The following ITPK1 variants were observed in gnomAD, a reference collection of about 807,000 sequenced individuals.
ITPK1 encodes the protein inositol-tetrakisphosphate 1-kinase.
ITPK1 carries 21 observed loss-of-function variants against 45.3 expected under a neutral mutation model. The ratio of observed to expected loss-of-function variants is 0.46; its 90% CI spans 0.33 to 0.67. The LOEUF is 0.67. ITPK1 is among the 30% of genes least tolerant of loss of function. ITPK1 has a pLI of 0.02. For missense variants in ITPK1, 474 were observed against 573.5 expected (o/e 0.83, Z 1.77); for synonymous variants, 258 against 253.6 (o/e 1.02, Z -0.16).
At position 93,065,469 on chromosome 14, in the gene ITPK1, G is replaced by T. The variant is rs943506310; in HGVS notation, c.120+11126C>A. Among the ~76,000 whole-genome samples the T allele has an allele frequency of 2.6e-5, 4 of 152,264 alleles. No homozygotes were observed. In the South Asian group the frequency reaches 8.3e-4, roughly 32 times the overall value. ...ACAGGTTCTGTGCTGTTCCTTATCTGCATGACCTCACTCCTGGAACTCTAT... is the reference window on the plus strand; with the variant it reads ...ACAGGTTCTGTGCTGTTCCTTATCTTCATGACCTCACTCCTGGAACTCTAT... On this transcript the variant is annotated intron_variant, in intron 3 of 10. Transcript: ENST00000267615.
intron 5 of ITPK1, among the ~76,000 whole-genome samples, chr14:92,979,840 G>A (rs1172789816): frequency 6.7e-6 from 1 of 150,072 alleles, no homozygotes; most frequent in Non-Finnish European, 1.5e-5. Flanking sequence ...TGGAGACAGA[G>A]TCTCACTCTG....
intron 7 of ITPK1, among the ~76,000 whole-genome samples, chr14:92,961,106 T>G (rs904628364): frequency 2.0e-5 from 3 of 152,252 alleles, no homozygotes; most frequent in East Asian, 3.9e-4. Context: ...AGTCGTGAGC[T>G]CTGGGGAGCA....
chr14:93,054,235 G>C (rs1033241426), intron 3 of ITPK1, among the ~76,000 whole-genome samples: 3 of 152,194 alleles, frequency 2.0e-5, no homozygotes, highest in Non-Finnish European at 4.4e-5. Context: ...GGGTACTGTG[G>C]GGCTGGACTA....
At chr14:92,983,172 C>T (rs1886313264) in intron 5 of ITPK1, among the ~76,000 whole-genome samples, 1 of 152,166 alleles carries the variant, frequency 6.6e-6, no homozygotes, top group African/African-American at 2.4e-5. Context: ...CATTTCTGCG[C>T]CCGATGTCTG....
intron 2 of ITPK1, among the ~76,000 whole-genome samples, chr14:93,087,586 G>A (rs1891699009): frequency 1.3e-5 from 2 of 152,188 alleles, no homozygotes; most frequent in East Asian, 1.9e-4. Flanking sequence ...ACCATGTAAG[G>A]CAGCACACTC....
chr14:93,039,706 G>A (rs1168582931), intron 3 of ITPK1, among the ~76,000 whole-genome samples: 1 of 152,210 alleles, frequency 6.6e-6, no homozygotes, highest in East Asian at 1.9e-4. Flanking sequence ...AAGTCGCTGA[G>A]GCCGTCTCAG....
chr14:92,941,887 C>G lies in ITPK1; in HGVS notation c.919G>C (p.Glu307Gln). The change falls in exon 11 of 11, where the codon GAG becomes CAG. Residue 307 changes from glutamate to glutamine, a missense_variant. Glu to Gln is a conservative substitution (Grantham distance 29, BLOSUM62 2). This residue lies in a region of ITPK1 where 367 missense variants were observed against 480.6 expected (regional missense o/e 0.76). Transcript: ENST00000267615. Reference sequence around the variant, plus strand: ...TGGTTCAGGAGGTCTGTGAAGAACTCGCTCACGCCCTCGTAGCCTGGGGGT... The same window carrying G: ...TGGTTCAGGAGGTCTGTGAAGAACTGGCTCACGCCCTCGTAGCCTGGGGGT... ...NAFPGYEGVS[E>Q]FFTDLLNHIA... 2 of 1,612,250 alleles carry G rather than the reference C, an allele frequency of 1.2e-6. No homozygotes were observed. Among genetic ancestry groups the G allele is most frequent in the Non-Finnish European group, 1.7e-6 (2 of 1,179,838 alleles).
chr14:93,031,246 C>A (rs1056074539), intron 3 of ITPK1, among the ~76,000 whole-genome samples: 3 of 151,892 alleles, frequency 2.0e-5, no homozygotes, highest in African/African-American at 7.3e-5. Context: ...GGGTCCCGAG[C>A]AGAGGAGGCC....
intron 5 of ITPK1, among the ~76,000 whole-genome samples, chr14:92,979,697 G>A (rs1046400466): frequency 1.3e-5 from 2 of 152,036 alleles, no homozygotes; most frequent in African/African-American, 4.8e-5. Flanking sequence ...CGCCATGATT[G>A]TAAGTTTCCT....
chr14:93,112,294 G>A (rs1243968685), intron 2 of ITPK1, among the ~76,000 whole-genome samples: 1 of 152,152 alleles, frequency 6.6e-6, no homozygotes, highest in Non-Finnish European at 1.5e-5. Flanking sequence ...CCATCTGTAA[G>A]ACAAAGGGGC....
chr14:92,966,078 C>T (rs760691538), intron 5 of ITPK1, among the ~76,000 whole-genome samples: 4 of 152,226 alleles, frequency 2.6e-5, no homozygotes, highest in Admixed American at 1.3e-4. Context: ...TGCAGTGGCA[C>T]GATCACAGCT....
At chr14:93,106,534 C>A (rs1892532969) in intron 2 of ITPK1, among the ~76,000 whole-genome samples, 1 of 152,212 alleles carries the variant, frequency 6.6e-6, no homozygotes, top group Non-Finnish European at 1.5e-5. Flanking sequence ...CCTTTAGCTC[C>A]TGGAGAGAGC....
rs367620330 is a variant in ITPK1, at chr14:92,952,011, G to A, written c.673C>T (p.Arg225Cys). Residue 225 changes from arginine to cysteine, a missense_variant and splice_region_variant, in exon 9 of 11, where the codon CGT becomes TGT. Transcript: ENST00000267615. The stretch of plus-strand genomic sequence containing the variant: ...TGGCTGTTGAAGAAGATGGACTCAC[G>A]GTCTGAAAAAGCGACAGGAAGGAGC... ...LKNFSAGTSD[R>C]ESIFFNSHNV... 8 of 1,568,940 alleles carry A rather than the reference G, an allele frequency of 5.1e-6. No individual in the cohort carries two copies. The highest frequency in any genetic ancestry group is 1.2e-5 in the South Asian group (1 of 85,436).
intron 3 of ITPK1, among the ~76,000 whole-genome samples, chr14:93,028,755 G>A (rs1031560793): frequency 3.9e-5 from 6 of 152,140 alleles, no homozygotes; most frequent in Non-Finnish European, 7.4e-5. Flanking sequence ...CACCTCTAAC[G>A]CCAAACAGTA....
In ITPK1 at chr14:92,958,457, A is replaced by C; in HGVS notation, c.505-91T>G. The C allele has an allele frequency of 1.6e-6, 2 of 1,257,762 alleles. No homozygotes were observed. The highest frequency in any genetic ancestry group is 1.1e-6 in the Non-Finnish European group (1 of 880,650). The allele number at this position is 1,257,762 out of a possible 1,614,324, so 77.9% of individuals were successfully genotyped here. On this transcript the variant is annotated intron_variant, in intron 7 of 10. Coordinates refer to ENST00000267615, the MANE Select transcript of ITPK1 (RefSeq NM_014216.6). The surrounding 1 kb of genome is among the most constrained non-coding windows in gnomAD (Gnocchi z 4.4). ...TGTGTCACCTGTCCAGAGCACCTCC[A>C]CCAAGGCCCATCCCTGGTCCTGTGG...
At chr14:92,996,703 A>G (rs1887074523) in intron 4 of ITPK1, among the ~76,000 whole-genome samples, 1 of 152,190 alleles carries the variant, frequency 6.6e-6, no homozygotes, top group Non-Finnish European at 1.5e-5. Flanking sequence ...CCAGATCTAT[A>G]GTCCTGGCTA....
At position 92,941,930 on chromosome 14, in the gene ITPK1, A is replaced by G; in HGVS notation, c.902-26T>C. 2 of 1,600,406 alleles carry G rather than the reference A, an allele frequency of 1.2e-6. 1 individual carries two copies. The highest frequency in any genetic ancestry group is 2.2e-5 in the South Asian group (2 of 89,306). ...CTGGGGGTGGGAGAGAGACAGCACA[A>G]GGGGCGTGAGCCAGGGGCACGCATC... On this transcript the variant is annotated intron_variant, in intron 10 of 10. Transcript: ENST00000267615.
chr14:92,991,576 C>T (rs1238085130), intron 5 of ITPK1, among the ~76,000 whole-genome samples: 1 of 152,146 alleles, frequency 6.6e-6, no homozygotes, highest in Non-Finnish European at 1.5e-5. Flanking sequence ...AACTAGGACA[C>T]ACCCTGCTTA....
intron 7 of ITPK1, among the ~76,000 whole-genome samples, chr14:92,959,887 G>A (rs1274563552): frequency 2.0e-5 from 3 of 152,210 alleles, no homozygotes; most frequent in Non-Finnish European, 2.9e-5. Context: ...CCGGGAGTGC[G>A]CGGGCTGGGA....
Sources: allele counts gnomAD v4.1 joint callset (sites outside exome capture counted in the v4.1 genomes callset), GRCh38; gene constraint gnomAD v4.1.1; regional missense constraint gnomAD v4.1.1; non-coding constraint Gnocchi (gnomAD v3.1); transcripts MANE v1.5; gene names NCBI Gene and HGNC (gene_info 2026-07-23, HGNC 2026-07-21).